Variants in KCNJ6 observed in about 807,000 individuals in gnomAD.
KCNJ6 encodes G protein-activated inward rectifier potassium channel 2.
KCNJ6 carries 9 observed loss-of-function variants against 34.2 expected under a neutral mutation model. The observed-to-expected ratio is 0.26, with a 90% CI of 0.16 to 0.46. KCNJ6 has a LOEUF of 0.46. Among genes scored for constraint, KCNJ6 ranks in the 20% least tolerant of loss-of-function variants. The pLI is 1.00. For missense variants in KCNJ6, 236 were observed against 531.3 expected, an observed-to-expected ratio of 0.44 and a Z score of 5.46; for synonymous variants, 196 against 207.1, an observed-to-expected ratio of 0.95 and a Z score of 0.46.
intron 3 of KCNJ6, among the ~76,000 whole-genome samples, chr21:37,661,416 A>AGTGAT (rs1384314612): frequency 6.6e-6 from 1 of 152,200 alleles, no homozygotes; most frequent in East Asian, 1.9e-4. Context: ...CATAGAACAG[A>AGTGAT]GTGATGTGCT....
Position 37,779,664 on chromosome 21 carries a change from T to G in KCNJ6, c.25+60994A>C, listed in dbSNP as rs1354433345. Among the ~76,000 whole-genome samples the G allele has an allele frequency of 3.3e-5, 5 of 152,200 alleles. No individual in the cohort carries two copies. The South Asian group carries it at 1.0e-3, about 32-fold the overall frequency. On this transcript the variant is annotated intron_variant, in intron 2 of 3. Transcript: ENST00000609713. ...AAAATTGGCTGGTCCCAGGAGCCTC[T>G]GTTTGAAGCAGGAATGAGTTCCTTG...
At chr21:37,732,167 T>C (rs1484690331) in intron 2 of KCNJ6, among the ~76,000 whole-genome samples, 1 of 144,200 alleles carries the variant, frequency 6.9e-6, no homozygotes, top group Non-Finnish European at 1.6e-5. Flanking sequence ...CTCCCAGGGA[T>C]TGGGAAGAAA....
At chr21:37,727,785 A>T (rs1163947222) in intron 2 of KCNJ6, among the ~76,000 whole-genome samples, 1 of 152,140 alleles carries the variant, frequency 6.6e-6, no homozygotes, top group Non-Finnish European at 1.5e-5. Flanking sequence ...CCTTGGAGAC[A>T]GTTCTCTTAG....
intron 2 of KCNJ6, among the ~76,000 whole-genome samples, chr21:37,756,092 G>C (rs749252247): frequency 6.6e-6 from 1 of 152,216 alleles, no homozygotes; most frequent in Non-Finnish European, 1.5e-5. Context: ...TTGTAAAGCA[G>C]GGCTGGTGGC....
intron 2 of KCNJ6, among the ~76,000 whole-genome samples, chr21:37,761,024 T>A (rs184169557): frequency 3.3e-5 from 5 of 152,266 alleles, no homozygotes; most frequent in East Asian, 1.9e-4. Context: ...CCTAGGCATC[T>A]GGGTTCCAGG....
intron 2 of KCNJ6, among the ~76,000 whole-genome samples, chr21:37,741,994 C>T (rs2054943502): frequency 6.6e-6 from 1 of 152,142 alleles, no homozygotes; most frequent in African/African-American, 2.4e-5. Flanking sequence ...CAAAGGCAGG[C>T]AGGGGAGTGA....
rs2054269093 is a variant in KCNJ6 at position 37,616,616 on chromosome 21, T to TATATATATATATATA, written c.*8542_*8543insTATATATATATATAT. On this transcript the variant is annotated 3_prime_UTR_variant, in exon 4 of 4. Coordinates refer to ENST00000609713, the MANE Select transcript of KCNJ6 (RefSeq NM_002240.5). ...ATATATATATATATATATATATATA[T>TATATATATATATATA]GGTTAGACTCTGAACATATACGCTC... 7.9e-6 allele frequency: 1 copy of TATATATATATATATA among 126,716 alleles called. No individual in the cohort carries two copies. The highest frequency in any genetic ancestry group is 3.1e-5 in the African/African-American group (1 of 32,272). The allele number at this position is 126,716 out of a possible 1,614,324, so 7.8% of individuals were successfully genotyped here.
At chr21:37,909,385 G>A (rs541174072) in intron 1 of KCNJ6, among the ~76,000 whole-genome samples, 1 of 93,364 alleles carries the variant, frequency 1.1e-5, no homozygotes, top group African/African-American at 4.1e-5. Context: ...TTTTTTTTTT[G>A]GAGACAGAGT....
rs2054252886 is a variant in KCNJ6, at chr21:37,614,221, C to T, written c.*10938G>A. On this transcript the variant is annotated 3_prime_UTR_variant, in exon 4 of 4. Transcript: ENST00000609713. ...CAAACACTGGAAGAAAGGCTGTTGCCTGCAGGTTCAGGGAAGTGTATGGTA... is the reference window on the plus strand; with the variant it reads ...CAAACACTGGAAGAAAGGCTGTTGCTTGCAGGTTCAGGGAAGTGTATGGTA... 2 of 152,146 alleles carry T rather than the reference C, an allele frequency of 1.3e-5. No homozygotes were observed. The highest frequency in any genetic ancestry group is 4.1e-4 in the South Asian group (2 of 4,824). The allele number at this position is 152,146 out of a possible 1,614,324, so 9.4% of individuals were successfully genotyped here.
At chr21:37,685,660 G>A (rs1351330638) in intron 3 of KCNJ6, among the ~76,000 whole-genome samples, 1 of 92,730 alleles carries the variant, frequency 1.1e-5, no homozygotes, top group Non-Finnish European at 2.1e-5. Flanking sequence ...CAGCCTGGGC[G>A]ACAGAGTGAG....
At chr21:37,876,660 A>C (rs1332766606) in intron 1 of KCNJ6, among the ~76,000 whole-genome samples, 3 of 152,222 alleles carry the variant, frequency 2.0e-5, no homozygotes, top group East Asian at 3.9e-4. Flanking sequence ...TAAACACCTC[A>C]TTTACAGCAT....
intron 2 of KCNJ6, among the ~76,000 whole-genome samples, chr21:37,717,489 G>C (rs774241799): frequency 6.6e-6 from 1 of 152,216 alleles, no homozygotes; most frequent in East Asian, 1.9e-4. Context: ...GGGATGTGTG[G>C]AGGGAGGCAG....
intron 1 of KCNJ6, among the ~76,000 whole-genome samples, chr21:37,911,889 T>G (rs1418693159): frequency 1.3e-5 from 2 of 152,204 alleles, no homozygotes; most frequent in Non-Finnish European, 2.9e-5. Context: ...GTATTTTATT[T>G]TTAATCTCCA....
At position 37,626,301 on chromosome 21, in the gene KCNJ6, T is replaced by A. The variant is rs369020968; in HGVS notation, c.947-817A>T. On this transcript the variant is annotated intron_variant, in intron 3 of 3. Coordinates refer to ENST00000609713, the MANE Select transcript of KCNJ6 (RefSeq NM_002240.5). ...GCACACCGCCATGTCCGACTAATTT[T>A]TTTTTGTATTTTAGTAGAGACGGAG... is the stretch of plus-strand genomic sequence containing the variant. 8.5e-5 allele frequency among the ~76,000 whole-genome samples: 13 copies of A among 152,220 alleles called. No homozygotes were observed. The East Asian group carries it at 2.3e-3, about 27-fold the overall frequency.
rs149388290 is a variant in KCNJ6 at position 37,677,055 on chromosome 21, T to C, written c.946+37156A>G. ...CTGACGTTGCACTCAGGAGTCTAAC[T>C]GTCCAGTGGCAGAAATCGATAATTG... On this transcript the variant is annotated intron_variant, in intron 3 of 3. Coordinates refer to ENST00000609713, the MANE Select transcript of KCNJ6 (RefSeq NM_002240.5). Among the ~76,000 whole-genome samples, 236 of 152,350 alleles carry C rather than the reference T, an allele frequency of 1.5e-3. 1 individual carries two copies. The highest frequency in any genetic ancestry group is 5.1e-3 in the African/African-American group (212 of 41,584).
chr21:37,913,547 C>A (rs1455014527), intron 1 of KCNJ6, among the ~76,000 whole-genome samples: 2 of 152,188 alleles, frequency 1.3e-5, no homozygotes, highest in Non-Finnish European at 1.5e-5. Context: ...GGGCCGGATA[C>A]GGTGGCTCAC....
At chr21:37,861,580 C>T (rs1267420671) in intron 1 of KCNJ6, among the ~76,000 whole-genome samples, 3 of 152,146 alleles carry the variant, frequency 2.0e-5, no homozygotes, top group East Asian at 1.9e-4. Context: ...AGTAGGGTTG[C>T]GACATGGTTA....
chr21:37,857,485 ATTTTGCAAAGGGAATCT>A (rs950101119), intron 1 of KCNJ6, among the ~76,000 whole-genome samples: 1 of 152,246 alleles, frequency 6.6e-6, no homozygotes, highest in African/African-American at 2.4e-5. Context: ...CAGATCTGCC[ATTTTGCAAAGGGAATCT>A]TTTTGTGTGG....
chr21:37,866,430 G>T (rs1043413651), intron 1 of KCNJ6, among the ~76,000 whole-genome samples: 2 of 152,222 alleles, frequency 1.3e-5, no homozygotes, highest in African/African-American at 4.8e-5. Context: ...ATGGATGGAA[G>T]GAGGAAATTG....
Sources: gnomAD v4.1 joint callset for allele counts (sites outside exome capture counted in the v4.1 genomes callset) on GRCh38, gnomAD v4.1.1 for gene constraint, MANE v1.5 for transcripts, NCBI Gene and HGNC (gene_info 2026-07-23, HGNC 2026-07-21) for gene names.